GALNT13: variants seen among roughly 807,000 people sequenced by gnomAD.
GALNT13 encodes UDP-GalNAc:polypeptide N-acetylgalactosaminyltransferase 13.
In GALNT13, 28 loss-of-function variants were observed where a neutral mutation model predicts 64.2. The ratio of observed to expected loss-of-function variants is 0.44; its 90% CI spans 0.32 to 0.60. GALNT13 has a LOEUF of 0.60. GALNT13 is among the 20% of genes least tolerant of loss of function. The pLI is 0.05. For missense variants in GALNT13, 577 were observed against 669.8 expected, an observed-to-expected ratio of 0.86 and a Z score of 1.53; for synonymous variants, 214 against 224.6, an observed-to-expected ratio of 0.95 and a Z score of 0.42.
the GALNT13 span, among the ~76,000 whole-genome samples, chr2:153,573,758 TA>T: frequency 6.6e-6 from 1 of 152,138 alleles, no homozygotes; most frequent in African/African-American, 2.4e-5. Flanking sequence ...CCCCACTTTT[TA>T]ACTTTTATTT....
At chr2:154,142,807 TGTA>T (rs1254548330) in intron 4 of GALNT13, among the ~76,000 whole-genome samples, 2 of 151,782 alleles carry the variant, frequency 1.3e-5, no homozygotes, top group Admixed American at 1.3e-4. Context: ...TAATTTTACA[TGTA>T]GTCCTGTGCA....
rs542709299 is a variant in GALNT13, at chr2:154,312,234, T to C, written c.1156+10645T>C. ...AGTATTAATTTGGGGAACTAATAAATGTCCATAAAATCTTCGCAATCCACA... is the reference window on the plus strand; with the variant it reads ...AGTATTAATTTGGGGAACTAATAAACGTCCATAAAATCTTCGCAATCCACA... On this transcript the variant is annotated intron_variant, in intron 9 of 12. Transcript: ENST00000392825. Among the ~76,000 whole-genome samples, 349 of 152,250 alleles carry C rather than the reference T, an allele frequency of 2.3e-3. 6 individuals carry two copies. The highest frequency in any genetic ancestry group is 1.0e-3 in the Non-Finnish European group (71 of 68,022).
the GALNT13 span, among the ~76,000 whole-genome samples, chr2:153,633,888 T>C: frequency 6.6e-6 from 1 of 152,344 alleles, no homozygotes; most frequent in African/African-American, 2.4e-5. Context: ...TTATAACCAA[T>C]AAAGTCTGTG....
chr2:154,176,323 G>A (rs1167612870), intron 4 of GALNT13, among the ~76,000 whole-genome samples: 1 of 150,550 alleles, frequency 6.6e-6, no homozygotes, highest in Non-Finnish European at 1.5e-5. Context: ...CACCCAGGCT[G>A]GAGTGCAGTG....
chr2:153,815,345 T>G, the GALNT13 span, among the ~76,000 whole-genome samples: 1 of 152,198 alleles, frequency 6.6e-6, no homozygotes, highest in Non-Finnish European at 1.5e-5. Flanking sequence ...ATTCTATAGT[T>G]AGTATATCCA....
the GALNT13 span, among the ~76,000 whole-genome samples, chr2:153,104,718 G>A: frequency 5.9e-5 from 9 of 152,024 alleles, no homozygotes; most frequent in African/African-American, 9.7e-5. Context: ...GTAAGGCTGT[G>A]AAAGAAAAAA....
intron 6 of GALNT13, among the ~76,000 whole-genome samples, chr2:154,243,891 A>G (rs984609113): frequency 2.0e-5 from 3 of 152,228 alleles, no homozygotes; most frequent in Non-Finnish European, 2.9e-5. Context: ...AGGATTTGGT[A>G]CTTGCCAGGA....
chr2:153,657,548 A>G, the GALNT13 span, among the ~76,000 whole-genome samples: 6 of 152,106 alleles, frequency 3.9e-5, no homozygotes, highest in Admixed American at 3.9e-4. Flanking sequence ...CTAAGGTAAA[A>G]GAAGCTGGAA....
chr2:154,425,189 C>T (rs1261640370), intron 11 of GALNT13, among the ~76,000 whole-genome samples: 1 of 151,918 alleles, frequency 6.6e-6, no homozygotes, highest in Non-Finnish European at 1.5e-5. Context: ...ATAGTATATA[C>T]CAGAGTTTTA....
chr2:154,313,508 G>A (rs1323995204), intron 9 of GALNT13, among the ~76,000 whole-genome samples: 4 of 151,688 alleles, frequency 2.6e-5, no homozygotes, highest in East Asian at 1.9e-4. Context: ...AGGCTGGAGA[G>A]CAGTGGTGTG....
chr2:153,782,082 A>G, the GALNT13 span, among the ~76,000 whole-genome samples: 1 of 152,130 alleles, frequency 6.6e-6, no homozygotes, highest in Non-Finnish European at 1.5e-5. Flanking sequence ...CTAAATTCAT[A>G]TGTTGAAGAC....
At chr2:153,944,785 G>A in intron 3 of GALNT13, 146 bp downstream of exon 3, 1 of 611,624 alleles carries the variant, frequency 1.6e-6, no homozygotes, top group Non-Finnish European at 2.8e-6. Context: ...GTTTAACCAT[G>A]GGGAAGTTAC....
intron 2 of GALNT13, among the ~76,000 whole-genome samples, chr2:153,907,698 T>C (rs1187009163): frequency 6.6e-6 from 1 of 152,048 alleles, no homozygotes; most frequent in Non-Finnish European, 1.5e-5. Context: ...GATGATGGCC[T>C]CCAGCTCCAT....
the GALNT13 span, among the ~76,000 whole-genome samples, chr2:153,147,960 G>A: frequency 1.1e-4 from 17 of 151,868 alleles, no homozygotes; most frequent in East Asian, 3.9e-4. Context: ...TGCTTGAGTC[G>A]GAATTGTCTC....
intron 3 of GALNT13, among the ~76,000 whole-genome samples, chr2:154,026,828 T>TG (rs1698000813): frequency 1.3e-5 from 2 of 152,184 alleles, no homozygotes; most frequent in South Asian, 4.1e-4. Context: ...GACATCAGTC[T>TG]TGAACTTAGT....
chr2:153,390,020 A>T, the GALNT13 span, among the ~76,000 whole-genome samples: 1 of 152,158 alleles, frequency 6.6e-6, no homozygotes, highest in Non-Finnish European at 1.5e-5. Context: ...ACGTATGTTT[A>T]TTGTGACACT....
the GALNT13 span, among the ~76,000 whole-genome samples, chr2:153,407,965 G>A: frequency 6.6e-6 from 1 of 152,132 alleles, no homozygotes. Flanking sequence ...TCATAGCATC[G>A]AAATGCGTGA....
At chr2:154,005,101 T>C (rs1696158756) in intron 3 of GALNT13, among the ~76,000 whole-genome samples, 1 of 152,184 alleles carries the variant, frequency 6.6e-6, no homozygotes, top group Non-Finnish European at 1.5e-5. Context: ...ACCTCTGTAA[T>C]TACTACATAT....
intron 4 of GALNT13, among the ~76,000 whole-genome samples, chr2:154,176,190 A>C (rs1353316433): frequency 6.6e-6 from 1 of 151,896 alleles, no homozygotes; most frequent in Non-Finnish European, 1.5e-5. Flanking sequence ...GCCTCTTAGA[A>C]GTCAGCATGA....
Sources: allele counts gnomAD v4.1 joint callset (sites outside exome capture counted in the v4.1 genomes callset), GRCh38; gene constraint gnomAD v4.1.1; transcripts MANE v1.5; gene names NCBI Gene and HGNC (gene_info 2026-07-23, HGNC 2026-07-21).